Variants in PREX2 observed in about 807,000 individuals in gnomAD.
PREX2 encodes the protein phosphatidylinositol-3,4,5-trisphosphate dependent Rac exchange factor 2.
In PREX2, 107 loss-of-function variants were observed where a neutral mutation model predicts 203.2. The observed-to-expected ratio is 0.53, with a 90% CI of 0.45 to 0.62. The LOEUF (loss-of-function observed/expected upper bound fraction) is 0.62. Among genes scored for constraint, PREX2 ranks in the 20% least tolerant of loss-of-function variants. PREX2 has a pLI of 0.00. For synonymous variants in PREX2, 672 were observed against 663.6 expected, an observed-to-expected ratio of 1.01 and a Z score of -0.19; for missense variants, 1,777 against 1,955.9, an observed-to-expected ratio of 0.91 and a Z score of 1.72.
chr8:67,986,206 G>A (rs190488372), intron 1 of PREX2, among the ~76,000 whole-genome samples: 38 of 152,322 alleles, frequency 2.5e-4, no homozygotes, highest in African/African-American at 7.2e-4. Context: ...AAGGCACAGT[G>A]TGTGTATATA....
At chr8:68,156,563 T>A (rs989656596) in intron 34 of PREX2, among the ~76,000 whole-genome samples, 1 of 152,212 alleles carries the variant, frequency 6.6e-6, no homozygotes, top group Non-Finnish European at 1.5e-5. Flanking sequence ...ATGGTCCCCA[T>A]AGCAAAAGAC....
At chr8:67,994,652 A>G (rs1806712474) in intron 1 of PREX2, among the ~76,000 whole-genome samples, 1 of 152,240 alleles carries the variant, frequency 6.6e-6, no homozygotes, top group African/African-American at 2.4e-5. Flanking sequence ...TCTATATAAT[A>G]TGTAATGAAT....
At chr8:68,224,709 T>C in intron 39 of PREX2, 83 bp downstream of exon 39, 2 of 1,006,270 alleles carry the variant, frequency 2.0e-6, no homozygotes, top group Non-Finnish European at 3.1e-6. Flanking sequence ...ATGCAACTGA[T>C]CTAGGATGTG....
At chr8:67,989,957 CTG>C (rs1806548714) in intron 1 of PREX2, among the ~76,000 whole-genome samples, 1 of 152,056 alleles carries the variant, frequency 6.6e-6, no homozygotes. Flanking sequence ...GCTTTGTAAA[CTG>C]CTCATCTGTA....
At chr8:68,179,646 A>T (rs1205058815) in intron 35 of PREX2, among the ~76,000 whole-genome samples, 1 of 152,154 alleles carries the variant, frequency 6.6e-6, no homozygotes, top group Admixed American at 6.6e-5. Context: ...CTGACTCCTG[A>T]GTACTAGATG....
rs758161498 is a variant in PREX2 at position 68,038,141 on chromosome 8, G to A, written c.706-18G>A. The A allele has an allele frequency of 7.5e-6, 12 of 1,607,934 alleles. No homozygotes were observed. Among genetic ancestry groups the A allele is most frequent in the South Asian group, 1.1e-5 (1 of 90,492 alleles). On this transcript the variant is annotated intron_variant, in intron 6 of 39. Transcript: ENST00000288368. ...TCAACCAAGTAAGCAGACATTAATT[G>A]CATTTCTCCTGACTTAGGGGTCCAA...
At chr8:67,998,851 C>T (rs1213656269) in intron 1 of PREX2, among the ~76,000 whole-genome samples, 1 of 152,214 alleles carries the variant, frequency 6.6e-6, no homozygotes, top group African/African-American at 2.4e-5. Flanking sequence ...ATGGTGAATT[C>T]ACACTCCTAC....
chr8:68,082,133 A>G (rs1328070680), intron 17 of PREX2: 1 of 152,180 alleles, frequency 6.6e-6, no homozygotes, highest in Non-Finnish European at 1.5e-5. Context: ...AACAAACAAG[A>G]CACAAAATCC....
At chr8:67,978,101 T>G in intron 1 of PREX2, among the ~76,000 whole-genome samples, 1 of 152,106 alleles carries the variant, frequency 6.6e-6, no homozygotes, top group South Asian at 2.1e-4. Flanking sequence ...GTTAGTCTTG[T>G]GGGACCGAGC....
intron 35 of PREX2, among the ~76,000 whole-genome samples, chr8:68,184,792 G>A (rs1304900498): frequency 6.6e-6 from 1 of 152,080 alleles, no homozygotes; most frequent in East Asian, 1.9e-4. Context: ...TGCCATTTTT[G>A]TCACTGATTT....
At chr8:67,969,857 C>T (rs1027665258) in intron 1 of PREX2, among the ~76,000 whole-genome samples, 2 of 152,184 alleles carry the variant, frequency 1.3e-5, no homozygotes, top group African/African-American at 4.8e-5. Flanking sequence ...AGCTCACATA[C>T]ATTCCCAGGT....
intron 25 of PREX2, among the ~76,000 whole-genome samples, chr8:68,113,724 C>A (rs1810582093): frequency 6.6e-6 from 1 of 152,178 alleles, no homozygotes; most frequent in Non-Finnish European, 1.5e-5. Context: ...ACGCTTCCTT[C>A]CCTGCTTTCT....
At chr8:68,022,906 CT>C (rs1179527113) in intron 4 of PREX2, among the ~76,000 whole-genome samples, 5 of 152,166 alleles carry the variant, frequency 3.3e-5, no homozygotes, top group Non-Finnish European at 7.4e-5. Flanking sequence ...TGCCTGACTT[CT>C]TTAACTTAGT....
At chr8:68,225,747 C>T (rs997355593) in intron 39 of PREX2, among the ~76,000 whole-genome samples, 20 of 152,130 alleles carry the variant, frequency 1.3e-4, no homozygotes, top group African/African-American at 4.1e-4. Context: ...TTGTTAATGT[C>T]GTCTTTCACA....
chr8:68,123,739 A>G (rs186184694), intron 30 of PREX2, among the ~76,000 whole-genome samples: 325 of 152,154 alleles, frequency 2.1e-3, no homozygotes, highest in Non-Finnish European at 4.2e-3. Flanking sequence ...ACAGACCTCC[A>G]TAACAAGCTC....
At chr8:68,068,380 C>T (rs375421336) in intron 11 of PREX2, among the ~76,000 whole-genome samples, 14 of 151,942 alleles carry the variant, frequency 9.2e-5, no homozygotes, top group East Asian at 1.9e-4. Context: ...AAAGAATGAA[C>T]GGTCTTGTTT....
intron 1 of PREX2, among the ~76,000 whole-genome samples, chr8:67,965,983 A>C (rs909854024): frequency 1.3e-5 from 2 of 152,182 alleles, no homozygotes; most frequent in Non-Finnish European, 2.9e-5. Flanking sequence ...TGTATCATTA[A>C]ATGTTTTGAG....
intron 23 of PREX2, chr8:68,101,520 C>A: frequency 2.0e-6 from 1 of 510,006 alleles, no homozygotes. Context: ...CATGAATGTA[C>A]CTTGTTGGAG....
intron 1 of PREX2, among the ~76,000 whole-genome samples, chr8:68,014,840 C>G (rs1279670122): frequency 6.6e-6 from 1 of 152,162 alleles, no homozygotes; most frequent in Non-Finnish European, 1.5e-5. Flanking sequence ...GCATAGAGGT[C>G]CTGCTCAAAA....
Sources: allele counts gnomAD v4.1 joint callset (sites outside exome capture counted in the v4.1 genomes callset), GRCh38; gene constraint gnomAD v4.1.1; transcripts MANE v1.5; gene names NCBI Gene and HGNC (gene_info 2026-07-23, HGNC 2026-07-21).